The following SLC22A8 variants were observed in gnomAD, a reference collection of about 807,000 sequenced individuals.
The protein encoded by SLC22A8 is organic anion transporter 3.
In SLC22A8, 40 loss-of-function variants were observed where a neutral mutation model predicts 48.4. That is an observed-to-expected ratio of 0.83 (90% CI 0.64 to 1.08). The LOEUF (loss-of-function observed/expected upper bound fraction) is 1.08. SLC22A8 is among the 50% of genes least tolerant of loss of function. The pLI, the probability that SLC22A8 is intolerant of heterozygous loss-of-function variation, is 0.00. For synonymous variants in SLC22A8, 268 were observed against 286.3 expected, an observed-to-expected ratio of 0.94 and a Z score of 0.65; for missense variants, 606 against 699.0, an observed-to-expected ratio of 0.87 and a Z score of 1.50.
At chr11:63,004,569 C>A (rs1421949561) in intron 2 of SLC22A8, among the ~76,000 whole-genome samples, 1 of 152,178 alleles carries the variant, frequency 6.6e-6, no homozygotes, top group Non-Finnish European at 1.5e-5. Flanking sequence ...AGTGAGACCT[C>A]CCTATTTACA....
At chr11:63,015,115 G>T (rs1026150883) in intron 1 of SLC22A8, 132 bp from the exon 2 acceptor site, 5 of 550,844 alleles carry the variant, frequency 9.1e-6, no homozygotes, top group Non-Finnish European at 1.6e-5. Context: ...ATGTGTAAGT[G>T]TGTAAAGATG....
At position 62,999,104 on chromosome 11, in the gene SLC22A8, C is replaced by A. The variant is rs745508801; in HGVS notation, c.593-15G>T. 6.2e-7 allele frequency: 1 copy of A among 1,607,178 alleles called. No homozygotes were observed. Among genetic ancestry groups the A allele is most frequent in the African/African-American group, 1.3e-5 (1 of 74,952 alleles). On this transcript the variant is annotated splice_polypyrimidine_tract_variant and intron_variant, in intron 4 of 10. Transcript: ENST00000336232. ...CCATTCCACATCTGTGGGAGGAGTC[C>A]AAGCACCAGATTAGTGTTCTGCTAG... is the stretch of plus-strand genomic sequence containing the variant.
Position 62,994,652 on chromosome 11 carries a change from G to A in SLC22A8, c.1106C>T (p.Ala369Val), listed in dbSNP as rs142362788. Residue 369 changes from alanine to valine, a missense_variant, in exon 8 of 11, where the codon GCC (alanine) becomes GTC (valine). Coordinates refer to ENST00000336232, the MANE Select transcript of SLC22A8 (RefSeq NM_004254.4). ...TAAGGAGAGGATGGTGATGAACTTGGCTGGGACATCGACCCCACCAAAGAT... is the reference window on the plus strand; with the variant it reads ...TAAGGAGAGGATGGTGATGAACTTGACTGGGACATCGACCCCACCAAAGAT... Reference protein sequence around the residue: ...QIIFGGVDVPAKFITILSLSY... With the variant: ...QIIFGGVDVPVKFITILSLSY... The A allele has an allele frequency of 4.3e-4, 697 of 1,614,172 alleles. 2 individuals carry two copies. The African/African-American group carries it at 8.5e-3, about 20-fold the overall frequency.
rs374726682 is a variant in SLC22A8 at position 62,999,004 on chromosome 11, G to A, written c.678C>T (p.Pro226=). ...YCYTFGQFIL[P]GLAYAIPQWR... ...ACTGGGGGATGGCGTAGGCCAGGCC[G>A]GGCAGAATGAACTGGCCAAAGGTGT... Residue 226 remains proline, a synonymous_variant, in exon 5 of 11, where the codon CCC becomes CCT. Transcript: ENST00000336232. 1.4e-4 allele frequency: 222 copies of A among 1,614,032 alleles called. No homozygotes were observed. The highest frequency in any genetic ancestry group is 1.8e-4 in the Non-Finnish European group (209 of 1,179,978).
Position 63,007,222 on chromosome 11 carries a change from G to A in SLC22A8, c.334-6399C>T, listed in dbSNP as rs534643174. 7.2e-5 allele frequency among the ~76,000 whole-genome samples: 11 copies of A among 152,344 alleles called. No individual in the cohort carries two copies. The South Asian group carries it at 2.1e-3, about 29-fold the overall frequency. Reference sequence around the variant, plus strand: ...AGAAAGGCAACTTGTTGGTTGAACAGAGCCAGTTACTCAACCTCCTGGTGG... The same window carrying A: ...AGAAAGGCAACTTGTTGGTTGAACAAAGCCAGTTACTCAACCTCCTGGTGG... On this transcript the variant is annotated intron_variant, in intron 2 of 10. Transcript: ENST00000336232.
intron 7 of SLC22A8, chr11:62,995,431 T>G: frequency 1.0e-5 from 5 of 498,078 alleles, no homozygotes; most frequent in South Asian, 2.6e-5. Context: ...GCGGCAGGGA[T>G]GTGAGCTGGG....
At chr11:62,999,266 C>T in intron 4 of SLC22A8, 177 bp from the exon 5 acceptor site, 1 of 579,060 alleles carries the variant, frequency 1.7e-6, no homozygotes, top group Non-Finnish European at 3.1e-6. Context: ...GTTCATCATC[C>T]CCATTTTACA....
At position 62,993,328 on chromosome 11, in the gene SLC22A8, C is replaced by G; in HGVS notation, c.1538G>C (p.Arg513Pro). Residue 513 changes from arginine (R) to proline (P), a missense_variant, in exon 11 of 11, where the codon CGG (arginine) becomes CCG (proline). Physicochemically the swap from Arg to Pro is moderately radical, Grantham distance 103. Transcript: ENST00000336232. ...TGGCTCCTGCTTTGGCTTCTTTGCCCGCAGGGACCTAGGGACAGAGAGCTA... is the reference window on the plus strand; with the variant it reads ...TGGCTCCTGCTTTGGCTTCTTTGCCGGCAGGGACCTAGGGACAGAGAGCTA... ...TIEDLENWSL[R>P]AKKPKQEPEV... 6.2e-7 allele frequency: 1 copy of G among 1,613,880 alleles called. No homozygotes were observed. Among genetic ancestry groups the G allele is most frequent in the Admixed American group, 1.7e-5 (1 of 59,984 alleles).
At chr11:63,009,808 C>T (rs553017547) in intron 2 of SLC22A8, among the ~76,000 whole-genome samples, 1 of 152,278 alleles carries the variant, frequency 6.6e-6, no homozygotes, top group East Asian at 1.9e-4. Flanking sequence ...CTCTTGCCCC[C>T]TCCAAGAGGG....
intron 2 of SLC22A8, among the ~76,000 whole-genome samples, chr11:63,007,786 G>T (rs2086573005): frequency 6.6e-6 from 1 of 152,228 alleles, no homozygotes; most frequent in Admixed American, 6.5e-5. Flanking sequence ...AAAGCACGAT[G>T]CTCAGGAGAA....
chr11:62,996,028 C>A lies in SLC22A8; in HGVS notation c.885+1G>T. 1.2e-6 allele frequency: 2 copies of A among 1,614,116 alleles called. No individual in the cohort carries two copies. Among genetic ancestry groups the A allele is most frequent in the Non-Finnish European group, 1.7e-6 (2 of 1,179,984 alleles). ...CCCAGACTATAGTCCTCAGCCCCTA[C>A]CTCCAAGCTGAGCCTTTCTCCCTCT... On this transcript the variant is annotated splice_donor_variant, in intron 6 of 10. Transcript: ENST00000336232. LOFTEE classifies it high-confidence loss of function.
At chr11:63,010,310 C>G (rs1398584281) in intron 2 of SLC22A8, among the ~76,000 whole-genome samples, 1 of 152,108 alleles carries the variant, frequency 6.6e-6, no homozygotes, top group African/African-American at 2.4e-5. Flanking sequence ...GCGAGATGGC[C>G]CCTTGCTTCT....
At chr11:63,006,606 T>G (rs1242205812) in intron 2 of SLC22A8, among the ~76,000 whole-genome samples, 10 of 112,408 alleles carry the variant, frequency 8.9e-5, no homozygotes, top group African/African-American at 3.5e-4. Context: ...TTTTTTTTTT[T>G]TTTTTTTTTT....
At chr11:63,006,675 T>G (rs1445241681) in intron 2 of SLC22A8, among the ~76,000 whole-genome samples, 2 of 136,410 alleles carry the variant, frequency 1.5e-5, no homozygotes, top group African/African-American at 2.7e-5. Context: ...TGGTGCAATC[T>G]CAGCTCACTG....
chr11:63,003,986 A>G (rs1434581079), intron 2 of SLC22A8, among the ~76,000 whole-genome samples: 1 of 152,228 alleles, frequency 6.6e-6, no homozygotes, highest in Non-Finnish European at 1.5e-5. Context: ...CTATCCTGAT[A>G]CATCCCATAA....
Position 62,993,566 on chromosome 11 carries a change from C to G in SLC22A8, c.1387G>C (p.Val463Leu). 1 of 1,613,872 alleles carries G rather than the reference C, an allele frequency of 6.2e-7. No individual in the cohort carries two copies. The highest frequency in any genetic ancestry group is 8.5e-7 in the Non-Finnish European group (1 of 1,179,760). Residue 463 changes from valine to leucine, a missense_variant, in exon 10 of 11, where the codon GTG becomes CTG. Transcript: ENST00000336232. Reference sequence around the variant, plus strand: ...GGCTGTACCTCACCCGTGATTTTCACCAGCGGGGACACCATGCTTCCCACG... The same window carrying G: ...GGCTGTACCTCACCCGTGATTTTCAGCAGCGGGGACACCATGCTTCCCACG... ...TRVGSMVSPL[V>L]KITGEVQPFI...
intron 8 of SLC22A8, 99 bp downstream of exon 8, chr11:62,994,443 G>GCA (rs2086384299): frequency 3.4e-6 from 3 of 872,366 alleles, no homozygotes; most frequent in Non-Finnish European, 5.6e-6. Context: ...ACCTGCTCAA[G>GCA]GTAACACAGT....
intron 7 of SLC22A8, 43 bp downstream of exon 7, chr11:62,995,661 C>T: frequency 7.0e-7 from 1 of 1,436,464 alleles, no homozygotes; most frequent in Non-Finnish European, 9.8e-7. Flanking sequence ...CCTTGTCTAT[C>T]ACCCCTTCCT....
intron 3 of SLC22A8, among the ~76,000 whole-genome samples, chr11:63,000,251 A>C (rs1275655565): frequency 6.6e-6 from 1 of 152,188 alleles, no homozygotes; most frequent in African/African-American, 2.4e-5. Context: ...TGGGAGGCCA[A>C]GATGGGAGGG....
Sources: gnomAD v4.1 joint callset for allele counts (sites outside exome capture counted in the v4.1 genomes callset) on GRCh38, gnomAD v4.1.1 for gene constraint, MANE v1.5 for transcripts, NCBI Gene and HGNC (gene_info 2026-07-23, HGNC 2026-07-21) for gene names.